The following EPHA7 variants were observed in gnomAD, a reference collection of about 807,000 sequenced individuals.
EPHA7 encodes the protein EPH receptor A7.
EPHA7 carries 25 observed loss-of-function variants against 112.6 expected under a neutral mutation model. The ratio of observed to expected loss-of-function variants is 0.22; its 90% CI spans 0.16 to 0.31. The LOEUF (loss-of-function observed/expected upper bound fraction) is 0.31. Among genes scored for constraint, EPHA7 ranks in the 10% least tolerant of loss-of-function variants. EPHA7 has a pLI of 1.00. For synonymous variants in EPHA7, 437 were observed against 406.5 expected (o/e 1.07, Z -0.90); for missense variants, 962 against 1,212.6 (o/e 0.79, Z 3.07).
intron 3 of EPHA7, among the ~76,000 whole-genome samples, chr6:93,368,912 T>C (rs1053620604): frequency 6.6e-6 from 1 of 152,086 alleles, no homozygotes; most frequent in Admixed American, 6.6e-5. Context: ...TAAGGCAGTT[T>C]GAACATGTGG....
chr6:93,337,823 T>C (rs894722655), intron 5 of EPHA7, among the ~76,000 whole-genome samples: 4 of 152,088 alleles, frequency 2.6e-5, no homozygotes, highest in Admixed American at 2.6e-4. Flanking sequence ...AACAGCTTGC[T>C]CTTTGTTCAC....
In EPHA7 at chr6:93,244,225, C is replaced by T. The variant is rs767457633; in HGVS notation, c.2883-685G>A. On this transcript the variant is annotated intron_variant, in intron 16 of 16. Transcript: ENST00000369303. Reference sequence around the variant, plus strand: ...CTAAAATATTGCAAAACTATAGCACCGTAGTTTTTCATGGCAGTGACTGAG... The same window carrying T: ...CTAAAATATTGCAAAACTATAGCACTGTAGTTTTTCATGGCAGTGACTGAG... 1.1e-4 allele frequency among the ~76,000 whole-genome samples: 16 copies of T among 151,952 alleles called. 1 individual carries two copies. Among genetic ancestry groups the T allele is most frequent in the South Asian group, 4.1e-4 (2 of 4,820 alleles).
intron 5 of EPHA7, among the ~76,000 whole-genome samples, chr6:93,273,985 A>C (rs1771352434): frequency 6.6e-6 from 1 of 151,902 alleles, no homozygotes; most frequent in Non-Finnish European, 1.5e-5. Flanking sequence ...AATCATTCCA[A>C]AAAATTTACA....
intron 3 of EPHA7, among the ~76,000 whole-genome samples, chr6:93,387,920 T>C (rs12525988): frequency 3.0e-4 from 38 of 127,852 alleles, no homozygotes; most frequent in Middle Eastern, 4.5e-3. Context: ...CTTAGATAGA[T>C]AGACAGATAG....
At chr6:93,391,891 A>C (rs1469721212) in intron 3 of EPHA7, among the ~76,000 whole-genome samples, 1 of 151,890 alleles carries the variant, frequency 6.6e-6, no homozygotes, top group Non-Finnish European at 1.5e-5. Flanking sequence ...TAAAAAAAAA[A>C]CTAAAAATAT....
intron 5 of EPHA7, among the ~76,000 whole-genome samples, chr6:93,309,454 TCAGC>T (rs1773420963): frequency 6.6e-6 from 1 of 152,162 alleles, no homozygotes; most frequent in African/African-American, 2.4e-5. Flanking sequence ...AATTTTTTTT[TCAGC>T]ACTTATAATC....
At position 93,322,465 on chromosome 6, in the gene EPHA7, T is replaced by C. The variant is rs1404160340; in HGVS notation, c.1324+34252A>G. On this transcript the variant is annotated intron_variant, in intron 5 of 16. Coordinates refer to ENST00000369303, the MANE Select transcript of EPHA7 (RefSeq NM_004440.4). ...GAAGGCCAAAAGATTTATTATTTCA[T>C]AGAGGGGTGCTTTTCTGATAAATAT... 2.0e-5 allele frequency among the ~76,000 whole-genome samples: 3 copies of C among 151,726 alleles called. No individual in the cohort carries two copies. In the East Asian group the frequency reaches 5.8e-4, roughly 29 times the overall value.
chr6:93,374,782 A>G (rs1412544093), intron 3 of EPHA7, among the ~76,000 whole-genome samples: 1 of 152,190 alleles, frequency 6.6e-6, no homozygotes, highest in African/African-American at 2.4e-5. Flanking sequence ...TAATACAGGA[A>G]TAATAGTGAC....
chr6:93,257,326 T>C, intron 12 of EPHA7, 136 bp downstream of exon 12: 1 of 589,212 alleles, frequency 1.7e-6, no homozygotes. Flanking sequence ...TGATTATTAA[T>C]CTGATTTTCA....
rs942392108 is a variant in EPHA7, at chr6:93,260,813, AAG to A, written c.1799-1336_1799-1335del. On this transcript the variant is annotated intron_variant, in intron 9 of 16. Coordinates refer to ENST00000369303, the MANE Select transcript of EPHA7 (RefSeq NM_004440.4). ...GAAAAAAAAAACAACACGAGAAGAA[AAG>A]AGAGAGGGGATAGAAGGAGAAAAGA... is the stretch of plus-strand genomic sequence containing the variant. The A allele has an allele frequency of 1.7e-5, 15 of 859,406 alleles. No homozygotes were observed. In the African/African-American group the frequency reaches 2.0e-4, roughly 12 times the overall value. 53.2% of individuals were successfully genotyped at this position (859,406 alleles called of 1,614,324 possible). A position where few individuals can be genotyped will look rare whatever the true frequency, so the allele number is the denominator to read the frequency against.
At chr6:93,253,490 A>G (rs140639974) in intron 14 of EPHA7, among the ~76,000 whole-genome samples, 168 of 152,162 alleles carry the variant, frequency 1.1e-3, no homozygotes, top group Non-Finnish European at 2.0e-3. Context: ...TCACTACTGT[A>G]AGTTTTAAGA....
At chr6:93,292,516 G>A (rs1323082941) in intron 5 of EPHA7, among the ~76,000 whole-genome samples, 2 of 151,620 alleles carry the variant, frequency 1.3e-5, no homozygotes, top group Admixed American at 6.6e-5. Context: ...TTGGGGGGGC[G>A]GTATTCAGTT....
intron 5 of EPHA7, among the ~76,000 whole-genome samples, chr6:93,306,630 A>G (rs2127857625): frequency 6.6e-6 from 1 of 152,190 alleles, no homozygotes; most frequent in Non-Finnish European, 1.5e-5. Context: ...TAAAATGTTC[A>G]GTTTAAGTCA....
intron 5 of EPHA7, among the ~76,000 whole-genome samples, chr6:93,351,667 T>A (rs1775700687): frequency 6.6e-6 from 1 of 152,012 alleles, no homozygotes; most frequent in Non-Finnish European, 1.5e-5. Flanking sequence ...GTCTGAGAGG[T>A]CTTATGTCCC....
rs1329557114 is a variant in EPHA7, at chr6:93,240,946, C to T, written c.*2480G>A. 4.7e-6 allele frequency: 1 copy of T among 213,022 alleles called. No individual in the cohort carries two copies. The highest frequency in any genetic ancestry group is 9.5e-6 in the Non-Finnish European group (1 of 105,192). The allele number at this position is 213,022 out of a possible 1,614,324, so 13.2% of individuals were successfully genotyped here. A position where few individuals can be genotyped will look rare whatever the true frequency, so the allele number is the denominator to read the frequency against. On this transcript the variant is annotated 3_prime_UTR_variant, in exon 17 of 17. Coordinates refer to ENST00000369303, the MANE Select transcript of EPHA7 (RefSeq NM_004440.4). ...AACGAGATAGTGATGTAATCATACA[C>T]TTCCTATTGTGCTGTGTGTCTTTCC...
intron 5 of EPHA7, among the ~76,000 whole-genome samples, chr6:93,275,659 C>T (rs973913329): frequency 2.6e-5 from 4 of 151,692 alleles, no homozygotes; most frequent in Non-Finnish European, 5.9e-5. Flanking sequence ...TGGTAAATCT[C>T]AACAGCATAA....
At chr6:93,332,576 T>A (rs181690637) in intron 5 of EPHA7, among the ~76,000 whole-genome samples, 2 of 151,826 alleles carry the variant, frequency 1.3e-5, no homozygotes, top group African/African-American at 4.8e-5. Context: ...TATATGTGCA[T>A]GACAAAAGTA....
Position 93,246,994 on chromosome 6 carries a change from CA to C in EPHA7, c.2533-10del. ...TCTATTGCTTTTATAACCTAATAGCCAAAAGGACATTACAAATATTACTGAT... is the reference window on the plus strand; with the variant it reads ...TCTATTGCTTTTATAACCTAATAGCCAAAGGACATTACAAATATTACTGAT... On this transcript the variant is annotated splice_polypyrimidine_tract_variant and intron_variant, in intron 14 of 16. Transcript: ENST00000369303. The C allele has an allele frequency of 6.4e-7, 1 of 1,553,388 alleles. No homozygotes were observed. The highest frequency in any genetic ancestry group is 8.8e-7 in the Non-Finnish European group (1 of 1,138,594).
At chr6:93,290,179 C>CA in intron 5 of EPHA7, among the ~76,000 whole-genome samples, 1 of 151,626 alleles carries the variant, frequency 6.6e-6, no homozygotes, top group East Asian at 1.9e-4. Flanking sequence ...TATTTATAGT[C>CA]AAAAGCAATT....
Sources: allele counts gnomAD v4.1 joint callset (sites outside exome capture counted in the v4.1 genomes callset), GRCh38; gene constraint gnomAD v4.1.1; transcripts MANE v1.5; gene names NCBI Gene and HGNC (gene_info 2026-07-23, HGNC 2026-07-21).